METTL15: variants seen among roughly 807,000 people sequenced by gnomAD.
METTL15 encodes the protein methyltransferase 15, mitochondrial 12S rRNA N4-cytidine, also known as 12S rRNA N(4)-cytidine methyltransferase METTL15.
METTL15 carries 34 observed loss-of-function variants against 38.3 expected under a neutral mutation model. That is an observed-to-expected ratio of 0.89 (90% CI 0.68 to 1.18). The LOEUF (loss-of-function observed/expected upper bound fraction) is 1.18, where lower values mean the gene tolerates loss of function less well. Ranked by LOEUF, METTL15 falls within the 50% of genes most tolerant of loss-of-function variation. METTL15 has a pLI of 0.00. For synonymous variants in METTL15, 162 were observed against 170.9 expected (o/e 0.95, Z 0.41); for missense variants, 438 against 498.4 (o/e 0.88, Z 1.15).
intron 3 of METTL15, among the ~76,000 whole-genome samples, chr11:28,181,265 T>G (rs1195589867): frequency 6.7e-6 from 1 of 148,248 alleles, no homozygotes; most frequent in East Asian, 2.0e-4. Context: ...TTTAATTTTT[T>G]TTTTTTTTGT....
chr11:28,450,126 G>T (rs1344681487), intron 6 of METTL15, among the ~76,000 whole-genome samples: 1 of 152,170 alleles, frequency 6.6e-6, no homozygotes, highest in Non-Finnish European at 1.5e-5. Flanking sequence ...TTATTCATCT[G>T]TCAACCTACT....
At chr11:28,221,466 T>G (rs1003362723) in intron 4 of METTL15, among the ~76,000 whole-genome samples, 1 of 151,992 alleles carries the variant, frequency 6.6e-6, no homozygotes, top group Non-Finnish European at 1.5e-5. Context: ...ATTCATCTAA[T>G]TTTTTTTCAA....
chr11:28,470,476 C>A (rs1027113641), intron 6 of METTL15, among the ~76,000 whole-genome samples: 1 of 152,068 alleles, frequency 6.6e-6, no homozygotes, highest in African/African-American at 2.4e-5. Flanking sequence ...TCTCCCGCTT[C>A]CTACTTAAGG....
chr11:28,520,671 C>CTAGAATT (rs1441004480), intron 6 of METTL15, among the ~76,000 whole-genome samples: 1 of 152,132 alleles, frequency 6.6e-6, no homozygotes, highest in African/African-American at 2.4e-5. Context: ...TCAGATTTGA[C>CTAGAATT]TAGAATTTCT....
intron 3 of METTL15, among the ~76,000 whole-genome samples, chr11:28,349,423 T>C (rs1042714967): frequency 6.6e-6 from 1 of 152,216 alleles, no homozygotes; most frequent in Non-Finnish European, 1.5e-5. Flanking sequence ...GGCAGGATAC[T>C]AATATATTGT....
At chr11:28,480,952 A>G (rs1470678668) in intron 6 of METTL15, among the ~76,000 whole-genome samples, 1 of 152,200 alleles carries the variant, frequency 6.6e-6, no homozygotes, top group Non-Finnish European at 1.5e-5. Context: ...GAGTCATAGC[A>G]TATGGGGAGA....
chr11:28,128,554 G>T (rs989811435), intron 3 of METTL15, among the ~76,000 whole-genome samples: 5 of 152,020 alleles, frequency 3.3e-5, no homozygotes, highest in African/African-American at 1.2e-4. Context: ...TAATTTTAAT[G>T]CTAGTGATAG....
At chr11:28,278,860 T>A (rs1353574845) in intron 4 of METTL15, among the ~76,000 whole-genome samples, 1 of 152,204 alleles carries the variant, frequency 6.6e-6, no homozygotes, top group Non-Finnish European at 1.5e-5. Flanking sequence ...AGAGTCTTGC[T>A]CTGTCACCCA....
intron 5 of METTL15, among the ~76,000 whole-genome samples, chr11:28,378,661 C>A (rs974304816): frequency 6.6e-6 from 1 of 151,930 alleles, no homozygotes; most frequent in Admixed American, 6.6e-5. Context: ...TGTTCCTATT[C>A]GGCCATCTTG....
chr11:28,108,500 A>T (rs1383511883), intron 1 of METTL15, 48 bp downstream of exon 1: 1 of 152,652 alleles, frequency 6.6e-6, no homozygotes, highest in Non-Finnish European at 1.5e-5. Flanking sequence ...GCCCTCTGCT[A>T]GGGGGAGAGG....
At chr11:28,323,941 C>G (rs537461723) in intron 6 of METTL15, among the ~76,000 whole-genome samples, 1 of 152,298 alleles carries the variant, frequency 6.6e-6, no homozygotes, top group Admixed American at 6.5e-5. Flanking sequence ...ATTTTCCCAG[C>G]ATTACTGTGA....
intron 3 of METTL15, among the ~76,000 whole-genome samples, chr11:28,134,845 G>A (rs912013168): frequency 6.6e-6 from 1 of 152,206 alleles, no homozygotes; most frequent in Admixed American, 6.5e-5. Flanking sequence ...GCTAGCTATA[G>A]TTACTATACC....
At chr11:28,518,980 T>C (rs919904792) in intron 6 of METTL15, 1 of 152,266 alleles carries the variant, frequency 6.6e-6, no homozygotes, top group Non-Finnish European at 1.5e-5. Context: ...TGCATATTTG[T>C]TTGTTTGCAT....
chr11:28,347,944 A>G (rs148811616), intron 3 of METTL15, among the ~76,000 whole-genome samples: 1 of 152,316 alleles, frequency 6.6e-6, no homozygotes, highest in African/African-American at 2.4e-5. Flanking sequence ...CAACATATCC[A>G]TCAACTTGAG....
At chr11:28,248,787 T>C (rs1411733051) in intron 4 of METTL15, among the ~76,000 whole-genome samples, 1 of 152,052 alleles carries the variant, frequency 6.6e-6, no homozygotes, top group Non-Finnish European at 1.5e-5. Context: ...TTGTGATAGG[T>C]ATTTTTATTT....
At chr11:28,297,892 C>G (rs1249696368) in intron 6 of METTL15, among the ~76,000 whole-genome samples, 1 of 151,800 alleles carries the variant, frequency 6.6e-6, no homozygotes, top group Non-Finnish European at 1.5e-5. Context: ...TTAATATTAT[C>G]CATAGTTTAA....
intron 5 of METTL15, among the ~76,000 whole-genome samples, chr11:28,292,872 T>C (rs1387227400): frequency 6.6e-6 from 1 of 152,218 alleles, no homozygotes; most frequent in Non-Finnish European, 1.5e-5. Context: ...GAGAAGTGTC[T>C]GTTCGTATCC....
At chr11:28,292,694 A>G (rs1176851674) in intron 5 of METTL15, among the ~76,000 whole-genome samples, 1 of 152,058 alleles carries the variant, frequency 6.6e-6, no homozygotes, top group Non-Finnish European at 1.5e-5. Context: ...AAGTGTTCCT[A>G]TTTCTCCACA....
chr11:28,472,848 C>T (rs1324554519), intron 6 of METTL15, among the ~76,000 whole-genome samples: 3 of 152,190 alleles, frequency 2.0e-5, no homozygotes, highest in African/African-American at 7.2e-5. Context: ...CTATTCCTGA[C>T]ATGAACCTTA....
Sources: allele counts gnomAD v4.1 joint callset (sites outside exome capture counted in the v4.1 genomes callset), GRCh38; gene constraint gnomAD v4.1.1; transcripts MANE v1.5; gene names NCBI Gene and HGNC (gene_info 2026-07-23, HGNC 2026-07-21).